Variants in EYA2 observed in about 807,000 individuals in gnomAD.
EYA2 encodes the protein EYA transcriptional coactivator and phosphatase 2.
In EYA2, 31 loss-of-function variants were observed where a neutral mutation model predicts 69.2. The observed-to-expected ratio is 0.45, with a 90% CI of 0.34 to 0.60. The LOEUF (loss-of-function observed/expected upper bound fraction) is 0.60. Ranked by LOEUF, EYA2 falls within the 20% of genes least tolerant of loss-of-function variation. EYA2 has a pLI of 0.02. For missense variants in EYA2, 622 were observed against 701.2 expected (o/e 0.89, Z 1.28); for synonymous variants, 257 against 279.4 (o/e 0.92, Z 0.80).
Position 47,070,953 on chromosome 20 carries a change from A to G in EYA2, c.416-1232A>G, listed in dbSNP as rs552834215. On this transcript the variant is annotated intron_variant, in intron 5 of 15. Coordinates refer to ENST00000327619, the MANE Select transcript of EYA2 (RefSeq NM_005244.5). ...AGCCTCAAACTCCTAGGTTCAAGCA[A>G]TCCCCCCGCCTCAGCCTCCCAAGTA... Among the ~76,000 whole-genome samples, 141 of 152,108 alleles carry G rather than the reference A, an allele frequency of 9.3e-4. 2 individuals carry two copies. In the Middle Eastern group the frequency reaches 0.02, roughly 22 times the overall value.
chr20:46,963,762 T>C (rs1389565036), intron 1 of EYA2, among the ~76,000 whole-genome samples: 3 of 152,260 alleles, frequency 2.0e-5, no homozygotes, highest in African/African-American at 7.2e-5. Context: ...GCAGCTGGCC[T>C]CCCTGAGGAG....
chr20:47,164,012 C>T (rs1255324629), intron 10 of EYA2, among the ~76,000 whole-genome samples: 1 of 152,300 alleles, frequency 6.6e-6, no homozygotes, highest in East Asian at 1.9e-4. Context: ...ATTCAGCACC[C>T]ACCCCAAGAT....
chr20:47,091,373 T>C (rs952677267), intron 8 of EYA2, among the ~76,000 whole-genome samples: 1 of 152,130 alleles, frequency 6.6e-6, no homozygotes, highest in African/African-American at 2.4e-5. Context: ...TGCTATACAA[T>C]GGGTATGGAA....
intron 1 of EYA2, among the ~76,000 whole-genome samples, chr20:46,961,813 A>G (rs1979493537): frequency 6.6e-6 from 1 of 152,200 alleles, no homozygotes; most frequent in South Asian, 2.1e-4. Context: ...GTTGGAAGCT[A>G]AAAAAGTTAA....
chr20:47,146,576 C>T (rs577076422), intron 10 of EYA2, among the ~76,000 whole-genome samples: 5 of 152,308 alleles, frequency 3.3e-5, no homozygotes, highest in South Asian at 4.1e-4. Context: ...ATTGAAACCA[C>T]GTTATACGAT....
chr20:47,175,709 A>G (rs961852454), intron 12 of EYA2, among the ~76,000 whole-genome samples: 1 of 152,192 alleles, frequency 6.6e-6, no homozygotes, highest in Non-Finnish European at 1.5e-5. Flanking sequence ...GGAGCAAAGT[A>G]GGGGTGGTTG....
chr20:47,014,796 ATGTG>A (rs761279656), intron 4 of EYA2, among the ~76,000 whole-genome samples: 3 of 152,082 alleles, frequency 2.0e-5, no homozygotes, highest in Non-Finnish European at 4.4e-5. Flanking sequence ...TGTGTGTGTT[ATGTG>A]TGTATTTGCT....
At chr20:47,063,300 G>A (rs930885169) in intron 5 of EYA2, among the ~76,000 whole-genome samples, 1 of 151,784 alleles carries the variant, frequency 6.6e-6, no homozygotes, top group African/African-American at 2.4e-5. Context: ...TACTTTATAT[G>A]AATACAAATC....
intron 1 of EYA2, among the ~76,000 whole-genome samples, chr20:46,958,470 T>A (rs73908735): frequency 7.2e-4 from 109 of 152,098 alleles, no homozygotes; most frequent in African/African-American, 2.6e-3. Flanking sequence ...CATGAACATG[T>A]TATATAGTTT....
intron 1 of EYA2, among the ~76,000 whole-genome samples, chr20:46,924,701 G>C (rs1985338631): frequency 1.5e-5 from 2 of 136,896 alleles, no homozygotes; most frequent in South Asian, 4.6e-4. Flanking sequence ...AAAGCCCCAA[G>C]TGGGTAATTC....
At position 47,188,378 on chromosome 20, in the gene EYA2, G is replaced by T; in HGVS notation, c.*245G>T. Reference sequence around the variant, plus strand: ...GGGAAAAGGGCTGGCTCGGAGTCTAGACTCTTCTGTAAGACTCACAGAACA... The same window carrying T: ...GGGAAAAGGGCTGGCTCGGAGTCTATACTCTTCTGTAAGACTCACAGAACA... On this transcript the variant is annotated 3_prime_UTR_variant, in exon 16 of 16. Transcript: ENST00000327619. 1 of 595,486 alleles carries T rather than the reference G, an allele frequency of 1.7e-6. No individual in the cohort carries two copies. The highest frequency in any genetic ancestry group is 2.1e-5 in the South Asian group (1 of 48,768). The allele number at this position is 595,486 out of a possible 1,614,324, so 36.9% of individuals were successfully genotyped here. A position where few individuals can be genotyped will look rare whatever the true frequency, so the allele number is the denominator to read the frequency against.
intron 10 of EYA2, chr20:47,166,931 C>G (rs1340239271): frequency 6.5e-6 from 1 of 153,428 alleles, no homozygotes; most frequent in Non-Finnish European, 1.5e-5. Context: ...GGGGCTGGCA[C>G]CCCCGCACAT....
chr20:47,027,017 G>T (rs528155743), intron 5 of EYA2, among the ~76,000 whole-genome samples: 44 of 144,282 alleles, frequency 3.0e-4, no homozygotes, highest in Middle Eastern at 7.2e-3. Context: ...TATTTTAACT[G>T]AACCACAGGT....
chr20:47,095,552 T>C (rs1428215842), intron 8 of EYA2, among the ~76,000 whole-genome samples: 1 of 151,806 alleles, frequency 6.6e-6, no homozygotes, highest in Non-Finnish European at 1.5e-5. Context: ...AATTTGAGGA[T>C]ACCAAGTGTA....
rs1242847627 is a variant in EYA2 at position 47,135,831 on chromosome 20, AAAAAAAAAAAC to A, written c.889-7224_889-7214del. On this transcript the variant is annotated intron_variant, in intron 9 of 15. Coordinates refer to ENST00000327619, the MANE Select transcript of EYA2 (RefSeq NM_005244.5). Reference sequence around the variant, plus strand: ...ACCCTGTCTCTACAAAAAAAAAAAAAAAAAAAAAAACAAACAAACAAACAAAAAACTAATTA... The same window carrying A: ...ACCCTGTCTCTACAAAAAAAAAAAAAAAACAAACAAACAAAAAACTAATTA... Among the ~76,000 whole-genome samples the A allele has an allele frequency of 2.5e-4, 21 of 83,198 alleles. No homozygotes were observed. The South Asian group carries it at 7.2e-3, about 28-fold the overall frequency. 54.6% of individuals were successfully genotyped at this position (83,198 alleles called of 152,430 possible). A position where few individuals can be genotyped will look rare whatever the true frequency, so the allele number is the denominator to read the frequency against.
chr20:47,015,063 G>A (rs939316383), intron 4 of EYA2, among the ~76,000 whole-genome samples: 3 of 152,048 alleles, frequency 2.0e-5, no homozygotes, highest in Non-Finnish European at 2.9e-5. Flanking sequence ...AGATATATAC[G>A]TTACATATAT....
chr20:46,993,541 A>G (rs1175310769), intron 2 of EYA2, among the ~76,000 whole-genome samples: 1 of 152,208 alleles, frequency 6.6e-6, no homozygotes, highest in Non-Finnish European at 1.5e-5. Context: ...TCCTTCATTC[A>G]TTTGTTCATT....
chr20:47,063,206 G>A (rs1488429892), intron 5 of EYA2, among the ~76,000 whole-genome samples: 1 of 152,162 alleles, frequency 6.6e-6, no homozygotes, highest in Non-Finnish European at 1.5e-5. Context: ...TAACCTTTAA[G>A]CGGTCATGTC....
At chr20:47,001,586 C>A in intron 3 of EYA2, 113 bp downstream of exon 3, 2 of 1,102,316 alleles carry the variant, frequency 1.8e-6, no homozygotes, top group Non-Finnish European at 2.8e-6. Flanking sequence ...GGAATCCCAG[C>A]CGTAGCACTT....
Sources: gnomAD v4.1 joint callset for allele counts (sites outside exome capture counted in the v4.1 genomes callset) on GRCh38, gnomAD v4.1.1 for gene constraint, MANE v1.5 for transcripts, NCBI Gene and HGNC (gene_info 2026-07-23, HGNC 2026-07-21) for gene names.